Variants in CNTNAP2 observed in about 807,000 individuals in gnomAD.
CNTNAP2 encodes contactin-associated protein-like 2.
In CNTNAP2, 98 loss-of-function variants were observed where a neutral mutation model predicts 155.2. The observed-to-expected ratio is 0.63, with a 90% CI of 0.54 to 0.75. The LOEUF (loss-of-function observed/expected upper bound fraction) is 0.75. Among genes scored for constraint, CNTNAP2 ranks in the 30% least tolerant of loss-of-function variants. The probability of loss-of-function intolerance (pLI) is 0.00; values close to 1 mark genes in which losing one functional copy is unlikely to be tolerated. For synonymous variants in CNTNAP2, 651 were observed against 631.2 expected (o/e 1.03, Z -0.47); for missense variants, 1,727 against 1,688.1 (o/e 1.02, Z -0.40).
At chr7:147,797,882 A>C (rs185623639) in intron 13 of CNTNAP2, among the ~76,000 whole-genome samples, 1 of 152,344 alleles carries the variant, frequency 6.6e-6, no homozygotes, top group East Asian at 1.9e-4. Context: ...AAATTTCAAC[A>C]TAAACTGAAG....
Position 147,315,709 on chromosome 7 carries a change from T to C in CNTNAP2, c.1498+15419T>C, listed in dbSNP as rs979062148. 2.0e-5 allele frequency among the ~76,000 whole-genome samples: 3 copies of C among 152,192 alleles called. No individual in the cohort carries two copies. The East Asian group carries it at 5.8e-4, about 30-fold the overall frequency. ...GTCAGCCATGATGGTCTCGATCTCCTGACCTCTGATCCACCCGCCTCAGCC... is the reference window on the plus strand; with the variant it reads ...GTCAGCCATGATGGTCTCGATCTCCCGACCTCTGATCCACCCGCCTCAGCC... On this transcript the variant is annotated intron_variant, in intron 9 of 23. Coordinates refer to ENST00000361727, the MANE Select transcript of CNTNAP2 (RefSeq NM_014141.6).
At chr7:147,614,037 A>G (rs1801237887) in intron 12 of CNTNAP2, among the ~76,000 whole-genome samples, 1 of 152,216 alleles carries the variant, frequency 6.6e-6, no homozygotes, top group Non-Finnish European at 1.5e-5. Flanking sequence ...GGTTGCATTT[A>G]TGTCAAGTTT....
intron 3 of CNTNAP2, among the ~76,000 whole-genome samples, chr7:146,893,343 T>C (rs1004482377): frequency 6.6e-6 from 1 of 151,824 alleles, no homozygotes; most frequent in Non-Finnish European, 1.5e-5. Flanking sequence ...TAAATATATA[T>C]AGGTAAATAG....
At chr7:147,907,611 CTT>C (rs966033694) in intron 14 of CNTNAP2, among the ~76,000 whole-genome samples, 32 of 152,076 alleles carry the variant, frequency 2.1e-4, no homozygotes, top group Non-Finnish European at 4.6e-4. Flanking sequence ...AGATTTGCCA[CTT>C]TTGGGGGAGG....
At chr7:146,980,728 C>T (rs1797999823) in intron 3 of CNTNAP2, among the ~76,000 whole-genome samples, 1 of 152,156 alleles carries the variant, frequency 6.6e-6, no homozygotes, top group Non-Finnish European at 1.5e-5. Flanking sequence ...ATCACCAAGG[C>T]AACTGCGCTA....
intron 1 of CNTNAP2, among the ~76,000 whole-genome samples, chr7:146,161,978 G>T (rs556780133): frequency 6.6e-6 from 1 of 151,982 alleles, no homozygotes; most frequent in African/African-American, 2.4e-5. Flanking sequence ...GCTGAAACTG[G>T]ATCCCTTCCT....
At chr7:146,767,291 T>C (rs964929490) in intron 1 of CNTNAP2, among the ~76,000 whole-genome samples, 5 of 152,178 alleles carry the variant, frequency 3.3e-5, no homozygotes, top group African/African-American at 1.2e-4. Context: ...AGATCTCTAA[T>C]ATAAAATGAA....
At chr7:148,284,342 C>A (rs1352893192) in intron 21 of CNTNAP2, among the ~76,000 whole-genome samples, 1 of 152,050 alleles carries the variant, frequency 6.6e-6, no homozygotes, top group Non-Finnish European at 1.5e-5. Flanking sequence ...AGGGGTTTCC[C>A]TTTCAGTTGG....
chr7:146,907,260 G>A (rs1350728592), intron 3 of CNTNAP2, among the ~76,000 whole-genome samples: 11 of 147,736 alleles, frequency 7.4e-5, no homozygotes, highest in Non-Finnish European at 1.5e-5. Flanking sequence ...CCCCAATCTA[G>A]CAAGGCAGGC....
At chr7:147,980,897 C>T (rs147028289) in intron 15 of CNTNAP2, among the ~76,000 whole-genome samples, 1,769 of 139,102 alleles carry the variant, frequency 0.013, 44 homozygotes, top group East Asian at 0.091. Context: ...TGCCACTGCA[C>T]TCCGGCCTGG....
At chr7:147,864,360 A>G (rs148637644) in intron 13 of CNTNAP2, among the ~76,000 whole-genome samples, 90,971 of 151,818 alleles carry the variant, frequency 0.6, 27,578 homozygotes, top group South Asian at 0.74. Flanking sequence ...GTCAGGTAGC[A>G]TGATGCCTCC....
intron 13 of CNTNAP2, among the ~76,000 whole-genome samples, chr7:147,852,645 G>C (rs2116671714): frequency 6.6e-6 from 1 of 152,270 alleles, no homozygotes; most frequent in South Asian, 2.1e-4. Flanking sequence ...CTCAGTGAAT[G>C]GCTAATTTCA....
intron 1 of CNTNAP2, among the ~76,000 whole-genome samples, chr7:146,354,644 G>T (rs1794971470): frequency 6.6e-6 from 1 of 151,888 alleles, no homozygotes. Context: ...CAAATTCCTG[G>T]CCTTAGGTGA....
intron 1 of CNTNAP2, among the ~76,000 whole-genome samples, chr7:146,724,221 C>T (rs1585060096): frequency 6.6e-6 from 1 of 152,048 alleles, no homozygotes; most frequent in Admixed American, 6.6e-5. Flanking sequence ...ATCTGTAGTA[C>T]TTAAGTCTTA....
chr7:147,640,687 T>C (rs1795256947), intron 13 of CNTNAP2, among the ~76,000 whole-genome samples: 1 of 151,984 alleles, frequency 6.6e-6, no homozygotes, highest in African/African-American at 2.4e-5. Context: ...TAAAACGACA[T>C]GGACATACGT....
chr7:146,659,285 T>C (rs557198773), intron 1 of CNTNAP2, among the ~76,000 whole-genome samples: 14 of 152,258 alleles, frequency 9.2e-5, no homozygotes, highest in African/African-American at 3.4e-4. Flanking sequence ...AGATAACCAA[T>C]TTAAATGGTC....
intron 1 of CNTNAP2, among the ~76,000 whole-genome samples, chr7:146,133,827 T>C (rs1797755418): frequency 6.6e-6 from 1 of 152,158 alleles, no homozygotes; most frequent in Non-Finnish European, 1.5e-5. Context: ...CCTTGTAGTA[T>C]AGCTTGAAGT....
At chr7:147,961,387 T>G (rs1393554618) in intron 14 of CNTNAP2, among the ~76,000 whole-genome samples, 1 of 152,154 alleles carries the variant, frequency 6.6e-6, no homozygotes, top group African/African-American at 2.4e-5. Context: ...GTGTGGTTAT[T>G]TAACAAATAT....
intron 15 of CNTNAP2, among the ~76,000 whole-genome samples, chr7:148,074,122 A>C (rs1297240311): frequency 1.3e-5 from 2 of 152,204 alleles, no homozygotes; most frequent in Admixed American, 6.5e-5. Flanking sequence ...CCACTGAAGA[A>C]ATCCTAGGCT....
Sources: allele counts gnomAD v4.1 joint callset (sites outside exome capture counted in the v4.1 genomes callset), GRCh38; gene constraint gnomAD v4.1.1; transcripts MANE v1.5; gene names NCBI Gene and HGNC (gene_info 2026-07-23, HGNC 2026-07-21).